ZNF451: variants seen among roughly 807,000 people sequenced by gnomAD.
The protein encoded by ZNF451 is zinc finger protein 451.
In ZNF451, 80 loss-of-function variants were observed where a neutral mutation model predicts 107.1. The observed-to-expected ratio is 0.75, with a 90% CI of 0.62 to 0.90. The LOEUF (loss-of-function observed/expected upper bound fraction) is 0.90. Ranked by LOEUF, ZNF451 falls within the 40% of genes least tolerant of loss-of-function variation. ZNF451 has a pLI of 0.00. For synonymous variants in ZNF451, 362 were observed against 406.5 expected (o/e 0.89, Z 1.32); for missense variants, 1,107 against 1,236.2 (o/e 0.90, Z 1.57).
At chr6:57,103,852 TCCC>T in intron 3 of ZNF451, 1 of 985,338 alleles carries the variant, frequency 1.0e-6, no homozygotes, top group Non-Finnish European at 1.2e-6. Flanking sequence ...TCATTCCTCC[TCCC>T]CCATCATAAC....
At chr6:57,092,981 C>G (rs1380763040) in intron 2 of ZNF451, 1 of 152,152 alleles carries the variant, frequency 6.6e-6, no homozygotes, top group Non-Finnish European at 1.5e-5. Context: ...TTTGCAAAGC[C>G]TCATACATCT....
intron 3 of ZNF451, among the ~76,000 whole-genome samples, chr6:57,118,437 C>A (rs1356995254): frequency 6.6e-6 from 1 of 152,126 alleles, no homozygotes; most frequent in Non-Finnish European, 1.5e-5. Flanking sequence ...GCTAAATTTC[C>A]TTCTCGAGGT....
chr6:57,153,836 A>G (rs763892682), intron 12 of ZNF451, 25 bp from the exon 13 acceptor site: 10 of 1,611,634 alleles, frequency 6.2e-6, no homozygotes, highest in East Asian at 4.5e-5. Flanking sequence ...TTTTTTATCA[A>G]CCTGTGCCAT....
intron 4 of ZNF451, among the ~76,000 whole-genome samples, chr6:57,125,225 T>G (rs1238841269): frequency 6.6e-6 from 1 of 152,186 alleles, no homozygotes; most frequent in African/African-American, 2.4e-5. Context: ...TATTTTCTAC[T>G]GGATAGAACC....
intron 7 of ZNF451, among the ~76,000 whole-genome samples, chr6:57,140,776 T>C (rs545265090): frequency 6.6e-6 from 1 of 152,300 alleles, no homozygotes; most frequent in African/African-American, 2.4e-5. Flanking sequence ...TACCAGCTGA[T>C]TTTTAGGGAT....
intron 3 of ZNF451, among the ~76,000 whole-genome samples, chr6:57,111,267 T>C (rs1457939070): frequency 6.6e-6 from 1 of 151,958 alleles, no homozygotes; most frequent in Non-Finnish European, 1.5e-5. Context: ...ATCCTTTTTT[T>C]TTTTTTTCCT....
chr6:57,130,938 A>G (rs1831151341), intron 5 of ZNF451, among the ~76,000 whole-genome samples: 1 of 152,028 alleles, frequency 6.6e-6, no homozygotes, highest in East Asian at 1.9e-4. Context: ...TTTGGAATCT[A>G]TTGCTTGAAC....
chr6:57,158,359 G>A (rs1024973636), intron 13 of ZNF451, among the ~76,000 whole-genome samples: 36 of 148,586 alleles, frequency 2.4e-4, no homozygotes, highest in African/African-American at 6.9e-4. Flanking sequence ...GGAAGAATGC[G>A]CTTTTTTTTT....
At chr6:57,104,740 T>A (rs1036091160) in intron 3 of ZNF451, 56 of 985,306 alleles carry the variant, frequency 5.7e-5, no homozygotes, top group Non-Finnish European at 6.5e-5. Context: ...TGCTGTTCTC[T>A]TTTCCTCCTG....
rs1376020930 is a variant in ZNF451 at position 57,147,163 on chromosome 6, T to C, written c.1078T>C (p.Leu360=). The C allele has an allele frequency of 1.2e-6, 2 of 1,614,064 alleles. No individual in the cohort carries two copies. The highest frequency in any genetic ancestry group is 1.1e-5 in the South Asian group (1 of 91,076). Residue 360 remains leucine, a synonymous_variant, in exon 10 of 15, where the codon TTA becomes CTA. Coordinates refer to ENST00000370706, the MANE Select transcript of ZNF451 (RefSeq NM_001031623.3). The stretch of plus-strand genomic sequence containing the variant: ...TACCCAGGTTGCAGAGAAATTCATA[T>C]TAAGAGGTTATTGTCCAGATTGCAA... ...SITQVAEKFI[L]RGYCPDCNQV...
intron 13 of ZNF451, among the ~76,000 whole-genome samples, chr6:57,157,561 T>C (rs1445887811): frequency 6.6e-6 from 1 of 152,188 alleles, no homozygotes; most frequent in African/African-American, 2.4e-5. Flanking sequence ...GGTTTCAACA[T>C]GAGCATTTTA....
chr6:57,099,005 G>A (rs1038302670), intron 2 of ZNF451, 56 bp from the exon 3 acceptor site: 6 of 1,402,224 alleles, frequency 4.3e-6, no homozygotes, highest in Non-Finnish European at 6.1e-6. Flanking sequence ...AGGTTTAAAT[G>A]CTAATTTGGT....
In ZNF451 at chr6:57,096,547, C is replaced by T. The variant is rs550713825; in HGVS notation, c.106-2514C>T. 4.5e-5 allele frequency among the ~76,000 whole-genome samples: 6 copies of T among 133,782 alleles called. No individual in the cohort carries two copies. In the South Asian group the frequency reaches 1.4e-3, roughly 32 times the overall value. The allele number at this position is 133,782 out of a possible 152,430, so 87.8% of individuals were successfully genotyped here. A position where few individuals can be genotyped will look rare whatever the true frequency, so the allele number is the denominator to read the frequency against. The stretch of plus-strand genomic sequence containing the variant: ...TACCTTGCATCCTGTCATCTTTCAT[C>T]TTCTTCTTTACTTTCTGTGCATGGG... On this transcript the variant is annotated intron_variant, in intron 2 of 14. Transcript: ENST00000370706.
intron 5 of ZNF451, among the ~76,000 whole-genome samples, chr6:57,129,457 C>G (rs1831081085): frequency 6.6e-6 from 1 of 152,140 alleles, no homozygotes; most frequent in Admixed American, 6.6e-5. Context: ...AGAATATCTA[C>G]TGAGCCTTTA....
At chr6:57,100,404 T>C (rs1412614905) in intron 3 of ZNF451, among the ~76,000 whole-genome samples, 1 of 152,150 alleles carries the variant, frequency 6.6e-6, no homozygotes, top group Non-Finnish European at 1.5e-5. Flanking sequence ...TTTTGGGTCT[T>C]TGGGGTAGTG....
Position 57,147,895 on chromosome 6 carries a change from G to A in ZNF451, c.1810G>A (p.Gly604Ser). The change falls in exon 10 of 15, where the codon GGT becomes AGT. Residue 604 changes from glycine to serine, a missense_variant. Gly to Ser is a moderately conservative substitution (Grantham distance 56). Transcript: ENST00000370706. ...TTCCCCGGCAAATAGTTCTCCGAGGGGTAAATGGCAATGCCGGATTTGTGA... is the reference window on the plus strand; with the variant it reads ...TTCCCCGGCAAATAGTTCTCCGAGGAGTAAATGGCAATGCCGGATTTGTGA... ...DHSPANSSPR[G>S]KWQCRICEDM... The A allele has an allele frequency of 6.2e-7, 1 of 1,614,078 alleles. No individual in the cohort carries two copies. Among genetic ancestry groups the A allele is most frequent in the African/African-American group, 1.3e-5 (1 of 75,020 alleles).
intron 2 of ZNF451, among the ~76,000 whole-genome samples, chr6:57,092,299 CTTGAG>C (rs1473383047): frequency 6.6e-6 from 1 of 152,080 alleles, no homozygotes; most frequent in Non-Finnish European, 1.5e-5. Context: ...TTAATGTAGG[CTTGAG>C]TTCACCTTTG....
intron 2 of ZNF451, among the ~76,000 whole-genome samples, chr6:57,092,315 G>A (rs989609037): frequency 1.3e-4 from 20 of 152,158 alleles, no homozygotes; most frequent in African/African-American, 4.6e-4. Flanking sequence ...TTCACCTTTG[G>A]TTTAAAGGAG....
intron 3 of ZNF451, among the ~76,000 whole-genome samples, chr6:57,100,118 G>A (rs1351528419): frequency 6.6e-6 from 1 of 151,978 alleles, no homozygotes; most frequent in African/African-American, 2.4e-5. Flanking sequence ...GTGAATGACA[G>A]AATTTTCAGA....
Sources: allele counts gnomAD v4.1 joint callset (sites outside exome capture counted in the v4.1 genomes callset), GRCh38; gene constraint gnomAD v4.1.1; transcripts MANE v1.5; gene names NCBI Gene and HGNC (gene_info 2026-07-23, HGNC 2026-07-21).